JAM3: variants seen among roughly 807,000 people sequenced by gnomAD.
JAM3 encodes junctional adhesion molecule 3.
In JAM3, 31 loss-of-function variants were observed where a neutral mutation model predicts 39.4. That is an observed-to-expected ratio of 0.79 (90% CI 0.59 to 1.06). The LOEUF is 1.06. JAM3 is among the 50% of genes least tolerant of loss of function. JAM3 has a pLI of 0.00. For synonymous variants in JAM3, 182 were observed against 148.7 expected (o/e 1.22, Z -1.63); for missense variants, 455 against 391.4 (o/e 1.16, Z -1.37).
intron 1 of JAM3, among the ~76,000 whole-genome samples, chr11:134,074,850 G>A (rs916043821): frequency 2.0e-5 from 3 of 152,090 alleles, no homozygotes; most frequent in Non-Finnish European, 4.4e-5. Context: ...GTCAGCTGAT[G>A]TGCCCCATCA....
chr11:134,131,892 TGAG>T (rs1292842614), intron 1 of JAM3, among the ~76,000 whole-genome samples: 1 of 152,060 alleles, frequency 6.6e-6, no homozygotes, highest in African/African-American at 2.4e-5. Flanking sequence ...TTATCAAGTT[TGAG>T]GAGCAAAAAG....
chr11:134,107,888 A>G (rs1942228395), intron 1 of JAM3, among the ~76,000 whole-genome samples: 1 of 152,080 alleles, frequency 6.6e-6, no homozygotes, highest in Non-Finnish European at 1.5e-5. Context: ...ACAGAAAAAT[A>G]GGAAAAAAAA....
At chr11:134,115,938 T>C (rs1942422273) in intron 1 of JAM3, among the ~76,000 whole-genome samples, 1 of 152,108 alleles carries the variant, frequency 6.6e-6, no homozygotes, top group Non-Finnish European at 1.5e-5. Context: ...ATAGATACCA[T>C]AAAAGTGCAG....
At chr11:134,099,736 AG>A (rs1340136252) in intron 1 of JAM3, among the ~76,000 whole-genome samples, 1 of 152,130 alleles carries the variant, frequency 6.6e-6, no homozygotes, top group Non-Finnish European at 1.5e-5. Context: ...CCTCCTGAGT[AG>A]CTGGGATTAC....
At chr11:134,126,888 C>T (rs1262312309) in intron 1 of JAM3, among the ~76,000 whole-genome samples, 4 of 152,230 alleles carry the variant, frequency 2.6e-5, no homozygotes, top group South Asian at 4.1e-4. Context: ...AATAACTTCT[C>T]CTTCTCTGTC....
chr11:134,097,244 A>G (rs1355112145), intron 1 of JAM3, among the ~76,000 whole-genome samples: 1 of 152,184 alleles, frequency 6.6e-6, no homozygotes, highest in Non-Finnish European at 1.5e-5. Context: ...CTTTCCTTAG[A>G]AACAATTTCT....
intron 1 of JAM3, among the ~76,000 whole-genome samples, chr11:134,112,854 G>T (rs977818049): frequency 6.6e-6 from 1 of 152,202 alleles, no homozygotes. Flanking sequence ...ATGGAGAGGG[G>T]TAGAGCATGA....
At position 134,149,238 on chromosome 11, in the gene JAM3, A is replaced by G; in HGVS notation, c.*57A>G. Reference sequence around the variant, plus strand: ...GCACGTGCACATACCTCTGCTAGAAACTCCTGTCAAGGCAGCGAGAGCTGA... The same window carrying G: ...GCACGTGCACATACCTCTGCTAGAAGCTCCTGTCAAGGCAGCGAGAGCTGA... On this transcript the variant is annotated 3_prime_UTR_variant, in exon 9 of 9. Transcript: ENST00000299106. 6.2e-7 allele frequency: 1 copy of G among 1,607,562 alleles called. No individual in the cohort carries two copies. Among genetic ancestry groups the G allele is most frequent in the Non-Finnish European group, 8.5e-7 (1 of 1,175,012 alleles).
Position 134,089,930 on chromosome 11 carries a change from G to A in JAM3, c.76+20771G>A, listed in dbSNP as rs999713329. On this transcript the variant is annotated intron_variant, in intron 1 of 8. Coordinates refer to ENST00000299106, the MANE Select transcript of JAM3 (RefSeq NM_032801.5). ...ACTAGTTTACAGTCCCACCAACAGT[G>A]TAAAAATGTTCCTATTTCTCCACAT... is the stretch of plus-strand genomic sequence containing the variant. Among the ~76,000 whole-genome samples the A allele has an allele frequency of 7.7e-4, 118 of 152,292 alleles. 1 individual carries two copies. In the South Asian group the frequency reaches 0.015, roughly 20 times the overall value.
At chr11:134,101,117 A>G (rs868449162) in intron 1 of JAM3, among the ~76,000 whole-genome samples, 10 of 152,162 alleles carry the variant, frequency 6.6e-5, no homozygotes, top group African/African-American at 2.2e-4. Context: ...CACTGTGAAC[A>G]TTTCTTCTCT....
chr11:134,105,256 A>T (rs1429258201), intron 1 of JAM3, among the ~76,000 whole-genome samples: 3 of 152,234 alleles, frequency 2.0e-5, no homozygotes, highest in Non-Finnish European at 2.9e-5. Flanking sequence ...CAAAAACCAC[A>T]TGATTATCTC....
At chr11:134,129,701 A>G (rs191325619) in intron 1 of JAM3, among the ~76,000 whole-genome samples, 24 of 152,302 alleles carry the variant, frequency 1.6e-4, no homozygotes, top group Admixed American at 9.2e-4. Flanking sequence ...ATGCAAAATC[A>G]TATTAAAAGT....
chr11:134,087,106 A>T (rs1941757491), intron 1 of JAM3, among the ~76,000 whole-genome samples: 1 of 152,084 alleles, frequency 6.6e-6, no homozygotes, highest in South Asian at 2.1e-4. Context: ...CACCTGGCCA[A>T]GATTTTAGTA....
intron 1 of JAM3, among the ~76,000 whole-genome samples, chr11:134,131,188 A>C (rs994812859): frequency 1.6e-5 from 2 of 128,770 alleles, no homozygotes; most frequent in African/African-American, 5.9e-5. Context: ...ACCCCTGCAC[A>C]GAGCCAGTCT....
chr11:134,103,520 C>G (rs1942118292), intron 1 of JAM3, among the ~76,000 whole-genome samples: 1 of 152,134 alleles, frequency 6.6e-6, no homozygotes, highest in Non-Finnish European at 1.5e-5. Flanking sequence ...CAATATTAAC[C>G]TTAAATGTAA....
chr11:134,100,473 A>C (rs1410375149), intron 1 of JAM3, among the ~76,000 whole-genome samples: 1 of 152,210 alleles, frequency 6.6e-6, no homozygotes, highest in Non-Finnish European at 1.5e-5. Context: ...GCAGATTTTT[A>C]AAATCCCTAA....
intron 1 of JAM3, among the ~76,000 whole-genome samples, chr11:134,117,459 G>T (rs2120756298): frequency 6.6e-6 from 1 of 152,282 alleles, no homozygotes; most frequent in Non-Finnish European, 1.5e-5. Context: ...AGAAATATTT[G>T]GTAGTTTGCA....
chr11:134,104,786 C>T (rs551562972), intron 1 of JAM3, among the ~76,000 whole-genome samples: 1 of 152,002 alleles, frequency 6.6e-6, no homozygotes, highest in South Asian at 2.1e-4. Flanking sequence ...ACACATACAC[C>T]CTCCCAAGAC....
intron 1 of JAM3, among the ~76,000 whole-genome samples, chr11:134,092,645 G>A (rs988463160): frequency 4.4e-5 from 6 of 135,484 alleles, no homozygotes; most frequent in Non-Finnish European, 9.5e-5. Flanking sequence ...TATTCATCAT[G>A]TTCCATCTTA....
Sources: gnomAD v4.1 joint callset for allele counts (sites outside exome capture counted in the v4.1 genomes callset) on GRCh38, gnomAD v4.1.1 for gene constraint, MANE v1.5 for transcripts, NCBI Gene and HGNC (gene_info 2026-07-23, HGNC 2026-07-21) for gene names.